The following ZMYND8 variants were observed in gnomAD, a reference collection of about 807,000 sequenced individuals.
ZMYND8 encodes the protein MYND-type zinc finger-containing chromatin reader ZMYND8.
ZMYND8 carries 37 observed loss-of-function variants against 140.8 expected under a neutral mutation model. That is an observed-to-expected ratio of 0.26 (90% CI 0.20 to 0.35). ZMYND8 has a LOEUF of 0.35. ZMYND8 is among the 10% of genes least tolerant of loss of function. The pLI, the probability that ZMYND8 is intolerant of heterozygous loss-of-function variation, is 1.00. For synonymous variants in ZMYND8, 592 were observed against 597.1 expected (o/e 0.99, Z 0.12); for missense variants, 1,068 against 1,570.0 (o/e 0.68, Z 5.40).
chr20:47,329,000 G>C (rs1032797780), intron 2 of ZMYND8, among the ~76,000 whole-genome samples: 4 of 152,272 alleles, frequency 2.6e-5, no homozygotes, highest in Admixed American at 2.0e-4. Flanking sequence ...GTGCCAAGGG[G>C]CCTGGCAAAA....
At chr20:47,327,696 C>G (rs1454960156) in intron 2 of ZMYND8, among the ~76,000 whole-genome samples, 4 of 152,154 alleles carry the variant, frequency 2.6e-5, no homozygotes, top group Non-Finnish European at 5.9e-5. Context: ...CATAGGGCCC[C>G]CTATTCCCAC....
chr20:47,223,367 A>G (rs912770933), intron 19 of ZMYND8, among the ~76,000 whole-genome samples: 4 of 151,744 alleles, frequency 2.6e-5, no homozygotes, highest in East Asian at 3.9e-4. Flanking sequence ...TTAGCTGCGC[A>G]TGGTGATGTG....
rs1480961138 is a variant in ZMYND8, at chr20:47,262,369, A to C, written c.1540T>G (p.Phe514Val). The C allele has an allele frequency of 6.2e-7, 1 of 1,613,366 alleles. No homozygotes were observed. The highest frequency in any genetic ancestry group is 8.5e-7 in the Non-Finnish European group (1 of 1,179,926). Residue 514 changes from phenylalanine to valine, a missense_variant, in exon 12 of 23, where the codon TTC becomes GTC. This residue lies in a region of ZMYND8 where 173 missense variants were observed against 223.3 expected (regional missense o/e 0.77). Transcript: ENST00000471951. Reference protein sequence around the residue: ...AGSLSGSPKPFSPQLSAPITT... With the variant: ...AGSLSGSPKPVSPQLSAPITT... ...ATAGGAGCTGACAGTTGAGGAGAGA[A>C]GGGCTTTGGGCTGCCGGATAAACTC...
At chr20:47,326,467 AAG>A (rs1456716338) in intron 2 of ZMYND8, among the ~76,000 whole-genome samples, 1 of 152,170 alleles carries the variant, frequency 6.6e-6, no homozygotes, top group Non-Finnish European at 1.5e-5. Context: ...ATAAAAATAA[AAG>A]AGGCATGACT....
At position 47,210,590 on chromosome 20, in the gene ZMYND8, G is replaced by T; in HGVS notation, c.*171C>A. On this transcript the variant is annotated 3_prime_UTR_variant, in exon 23 of 23. Transcript: ENST00000471951. ...TGAACAGTCTGCAGTCAAAGCCGAT[G>T]CTGGGTGTCCTGTAGTGTAGCAGCC... 1 of 922,256 alleles carries T rather than the reference G, an allele frequency of 1.1e-6. No homozygotes were observed. The highest frequency in any genetic ancestry group is 1.7e-5 in the African/African-American group (1 of 60,522). 57.1% of individuals were successfully genotyped at this position (922,256 alleles called of 1,614,324 possible). A position where few individuals can be genotyped will look rare whatever the true frequency, so the allele number is the denominator to read the frequency against.
intron 5 of ZMYND8, among the ~76,000 whole-genome samples, chr20:47,294,425 A>G (rs1601673074): frequency 6.6e-6 from 1 of 152,152 alleles, no homozygotes; most frequent in South Asian, 2.1e-4. Flanking sequence ...TAATATCTTT[A>G]CAATAGTGTG....
At chr20:47,307,734 C>T (rs1385479213) in intron 3 of ZMYND8, among the ~76,000 whole-genome samples, 2 of 151,442 alleles carry the variant, frequency 1.3e-5, no homozygotes, top group Non-Finnish European at 2.9e-5. Flanking sequence ...GGCTGAGACA[C>T]AAGAATCTCT....
chr20:47,276,168 G>A (rs2076244298), intron 11 of ZMYND8, 146 bp downstream of exon 11: 1 of 1,182,634 alleles, frequency 8.5e-7, no homozygotes, highest in Admixed American at 3.3e-5. Context: ...GAACTCCACT[G>A]GTGACTTCTT....
chr20:47,268,067 G>T (rs576017973), intron 11 of ZMYND8, among the ~76,000 whole-genome samples: 1 of 152,238 alleles, frequency 6.6e-6, no homozygotes, highest in East Asian at 1.9e-4. Context: ...ATGCTTATCA[G>T]GTGCATAATA....
chr20:47,225,735 C>G, intron 18 of ZMYND8, among the ~76,000 whole-genome samples: 1 of 151,690 alleles, frequency 6.6e-6, no homozygotes, highest in Non-Finnish European at 1.5e-5. Context: ...CTACCTTTAA[C>G]TAGGGGTCTG....
intron 1 of ZMYND8, chr20:47,351,938 A>G: frequency 1.0e-6 from 1 of 985,460 alleles, no homozygotes; most frequent in African/African-American, 1.7e-5. Flanking sequence ...AGAAGCTTAA[A>G]AAAAACTCTG....
chr20:47,340,293 G>T (rs1409509408), intron 2 of ZMYND8, among the ~76,000 whole-genome samples: 1 of 151,948 alleles, frequency 6.6e-6, no homozygotes. Flanking sequence ...AAATCATTGG[G>T]GTAAGTAAGA....
intron 2 of ZMYND8, among the ~76,000 whole-genome samples, chr20:47,334,918 AAT>A (rs781655236): frequency 1.2e-3 from 187 of 151,884 alleles, no homozygotes; most frequent in Middle Eastern, 6.8e-3. Context: ...TCTCCGTGAA[AAT>A]ATATTAAAAA....
chr20:47,225,158 A>G (rs2037509497), intron 18 of ZMYND8, among the ~76,000 whole-genome samples: 1 of 152,192 alleles, frequency 6.6e-6, no homozygotes, highest in African/African-American at 2.4e-5. Flanking sequence ...TGATGATTAT[A>G]CTAACAGGAC....
chr20:47,238,768 C>G lies in ZMYND8; in HGVS notation c.2655G>C (p.Gln885His). The change falls in exon 15 of 23, where the codon CAG becomes CAC. Residue 885 changes from glutamine to histidine, a missense_variant. Around this residue, in one of 10 missense-constraint regions of ZMYND8, gnomAD observed 383 missense variants for 431.2 expected, o/e 0.89. Coordinates refer to ENST00000471951, the MANE Select transcript of ZMYND8 (RefSeq NM_001281775.3). ...GGGGAGGCTCGGTACCTTTCACAGC[C>G]TGTCTGGTCTGATATCTCGTCCCCT... ...SSQGTRYQTR[Q>H]AVKAVQQKEI... 6.2e-7 allele frequency: 1 copy of G among 1,611,860 alleles called. No individual in the cohort carries two copies. Among genetic ancestry groups the G allele is most frequent in the Non-Finnish European group, 8.5e-7 (1 of 1,179,528 alleles).
intron 9 of ZMYND8, among the ~76,000 whole-genome samples, chr20:47,282,741 A>C (rs2147873470): frequency 6.6e-6 from 1 of 152,036 alleles, no homozygotes; most frequent in Admixed American, 6.6e-5. Context: ...AAAAAACAAA[A>C]AAAAGAAAGA....
At chr20:47,286,377 C>T (rs147727879) in intron 8 of ZMYND8, among the ~76,000 whole-genome samples, 2 of 151,468 alleles carry the variant, frequency 1.3e-5, no homozygotes, top group Non-Finnish European at 2.9e-5. Flanking sequence ...CGGGGTTTTG[C>T]CATGTTGGCC....
intron 12 of ZMYND8, among the ~76,000 whole-genome samples, chr20:47,252,087 G>A (rs2074230541): frequency 6.6e-6 from 1 of 151,866 alleles, no homozygotes; most frequent in Admixed American, 6.6e-5. Flanking sequence ...TGAGGTCGGG[G>A]GTTCAAGATC....
chr20:47,247,931 GGAA>G (rs2147306202), intron 13 of ZMYND8, among the ~76,000 whole-genome samples: 1 of 152,308 alleles, frequency 6.6e-6, no homozygotes, highest in East Asian at 1.9e-4. Flanking sequence ...GGGCAACACA[GGAA>G]GAACACAAGC....
Sources: allele counts gnomAD v4.1 joint callset (sites outside exome capture counted in the v4.1 genomes callset), GRCh38; gene constraint gnomAD v4.1.1; regional missense constraint gnomAD v4.1.1; transcripts MANE v1.5; gene names NCBI Gene and HGNC (gene_info 2026-07-23, HGNC 2026-07-21).